OPCML: variants seen among roughly 807,000 people sequenced by gnomAD.
OPCML encodes the protein opioid binding protein/cell adhesion molecule like, also known as opioid-binding protein/cell adhesion molecule.
Under a neutral mutation model 37.8 loss-of-function variants are expected in OPCML, and 13 were observed. The ratio of observed to expected loss-of-function variants is 0.34; its 90% CI spans 0.22 to 0.55. The LOEUF (loss-of-function observed/expected upper bound fraction) is 0.55. Among genes scored for constraint, OPCML ranks in the 20% least tolerant of loss-of-function variants. OPCML has a pLI of 0.91. For synonymous variants in OPCML, 176 were observed against 168.8 expected (o/e 1.04, Z -0.33); for missense variants, 341 against 435.6 (o/e 0.78, Z 1.93).
intron 1 of OPCML, among the ~76,000 whole-genome samples, chr11:133,319,083 G>A (rs548699403): frequency 6.6e-6 from 1 of 152,170 alleles, no homozygotes; most frequent in African/African-American, 2.4e-5. Context: ...TATTGATGTC[G>A]ATATTCACAC....
chr11:132,448,024 G>A (rs539768445), intron 4 of OPCML, among the ~76,000 whole-genome samples: 5 of 152,304 alleles, frequency 3.3e-5, no homozygotes, highest in African/African-American at 1.2e-4. Flanking sequence ...AAGGGCTCTT[G>A]GCTCAAAGTC....
chr11:133,472,334 G>A (rs1336615809), intron 1 of OPCML, among the ~76,000 whole-genome samples: 47 of 152,126 alleles, frequency 3.1e-4, no homozygotes, highest in Non-Finnish European at 8.8e-5. Flanking sequence ...GAGACAATGG[G>A]CCATGTGTCT....
intron 1 of OPCML, among the ~76,000 whole-genome samples, chr11:133,303,109 C>CA (rs1459811670): frequency 6.6e-6 from 1 of 152,100 alleles, no homozygotes; most frequent in Admixed American, 6.6e-5. Flanking sequence ...AATAAATAAG[C>CA]ATTGTGAAGT....
chr11:132,772,516 A>C (rs1946673765), intron 2 of OPCML: 1 of 152,076 alleles, frequency 6.6e-6, no homozygotes, highest in South Asian at 2.1e-4. Flanking sequence ...GTATGAATGG[A>C]AGGAGGGCAC....
intron 1 of OPCML, among the ~76,000 whole-genome samples, chr11:133,104,284 G>A (rs1949126275): frequency 6.6e-6 from 1 of 152,198 alleles, no homozygotes; most frequent in Non-Finnish European, 1.5e-5. Flanking sequence ...GTACGGAAGA[G>A]TCATCATAAA....
At chr11:132,806,074 A>G (rs1356761347) in intron 2 of OPCML, among the ~76,000 whole-genome samples, 3 of 152,146 alleles carry the variant, frequency 2.0e-5, no homozygotes, top group Non-Finnish European at 4.4e-5. Context: ...ATCATTAGCC[A>G]TAGAGAAACC....
chr11:133,326,138 G>A (rs12421114), intron 1 of OPCML, among the ~76,000 whole-genome samples: 541 of 151,900 alleles, frequency 3.6e-3, no homozygotes, highest in Admixed American at 8.1e-3. Context: ...TTTCTTGTCA[G>A]TTCATAACTG....
chr11:132,842,718 C>T (rs1246367943), intron 2 of OPCML, among the ~76,000 whole-genome samples: 1 of 152,214 alleles, frequency 6.6e-6, no homozygotes, highest in Non-Finnish European at 1.5e-5. Context: ...CAGCCCTGGT[C>T]ACAGGCTAAG....
intron 1 of OPCML, among the ~76,000 whole-genome samples, chr11:133,236,022 C>T (rs996291173): frequency 2.6e-5 from 4 of 152,178 alleles, no homozygotes; most frequent in Non-Finnish European, 5.9e-5. Context: ...TATGTTTTCT[C>T]CTATACATAC....
At chr11:133,094,403 C>T (rs779926369) in intron 1 of OPCML, among the ~76,000 whole-genome samples, 16 of 152,110 alleles carry the variant, frequency 1.1e-4, no homozygotes, top group Non-Finnish European at 1.6e-4. Flanking sequence ...TTCAAGTCTA[C>T]GACCCATGAT....
intron 2 of OPCML, among the ~76,000 whole-genome samples, chr11:132,911,150 G>A (rs560995369): frequency 6.6e-5 from 10 of 152,328 alleles, no homozygotes; most frequent in East Asian, 1.9e-4. Context: ...AAAAGTCTGC[G>A]TGTAAACAAT....
intron 2 of OPCML, among the ~76,000 whole-genome samples, chr11:132,754,652 A>G (rs775771498): frequency 5.3e-5 from 8 of 152,154 alleles, no homozygotes; most frequent in Admixed American, 3.9e-4. Flanking sequence ...TCTCCTGAGA[A>G]AGAGGATAAG....
intron 2 of OPCML, among the ~76,000 whole-genome samples, chr11:132,818,176 C>T (rs2136240205): frequency 6.6e-6 from 1 of 152,170 alleles, no homozygotes; most frequent in South Asian, 2.1e-4. Context: ...AAATACTGAG[C>T]CTGGAAGTAG....
intron 1 of OPCML, among the ~76,000 whole-genome samples, chr11:133,159,947 A>G (rs572170532): frequency 2.2e-4 from 33 of 152,186 alleles, no homozygotes; most frequent in Admixed American, 3.9e-4. Context: ...AGAATCAAAG[A>G]GAGGACTCAA....
intron 1 of OPCML, among the ~76,000 whole-genome samples, chr11:133,040,664 G>A (rs1456837497): frequency 6.6e-6 from 1 of 152,148 alleles, no homozygotes; most frequent in Non-Finnish European, 1.5e-5. Flanking sequence ...TGCCCATCAG[G>A]AATGAGTACC....
intron 1 of OPCML, among the ~76,000 whole-genome samples, chr11:133,167,708 C>T (rs1033639259): frequency 6.6e-6 from 1 of 152,028 alleles, no homozygotes; most frequent in East Asian, 1.9e-4. Context: ...TGCTGGAGTT[C>T]CTAAAGCTGT....
At chr11:132,544,056 G>T (rs554986265) in intron 3 of OPCML, among the ~76,000 whole-genome samples, 1 of 151,976 alleles carries the variant, frequency 6.6e-6, no homozygotes, top group Admixed American at 6.6e-5. Context: ...TCATATTTTA[G>T]CATTTTTATT....
At chr11:132,623,826 TAAAGA>T (rs1158744207) in intron 3 of OPCML, among the ~76,000 whole-genome samples, 12 of 152,352 alleles carry the variant, frequency 7.9e-5, no homozygotes, top group Admixed American at 5.2e-4. Context: ...AAAATAATAT[TAAAGA>T]ATAGTCTCCA....
At chr11:133,398,890 G>A (rs1224237619) in intron 1 of OPCML, among the ~76,000 whole-genome samples, 3 of 152,044 alleles carry the variant, frequency 2.0e-5, no homozygotes, top group Non-Finnish European at 4.4e-5. Flanking sequence ...ATGTGAGTTG[G>A]GAATCACTGT....
Sources: allele counts gnomAD v4.1 joint callset (sites outside exome capture counted in the v4.1 genomes callset), GRCh38; gene constraint gnomAD v4.1.1; transcripts MANE v1.5; gene names NCBI Gene and HGNC (gene_info 2026-07-23, HGNC 2026-07-21).